The following CPD variants were observed in gnomAD, a reference collection of about 807,000 sequenced individuals.
CPD encodes the protein metallocarboxypeptidase D.
A neutral mutation model predicts 138.3 loss-of-function variants in CPD; 69 were observed. That is an observed-to-expected ratio of 0.50 (90% CI 0.41 to 0.61). CPD has a LOEUF of 0.61. CPD is among the 20% of genes least tolerant of loss of function. CPD has a pLI of 0.00. For synonymous variants in CPD, 651 were observed against 642.1 expected (o/e 1.01, Z -0.21); for missense variants, 1,432 against 1,733.3 (o/e 0.83, Z 3.09).
chr17:30,414,708 C>T (rs991968577), intron 2 of CPD, among the ~76,000 whole-genome samples: 1 of 152,084 alleles, frequency 6.6e-6, no homozygotes, highest in Non-Finnish European at 1.5e-5. Flanking sequence ...AAGTTAGAGT[C>T]GGCATGGTTT....
intron 20 of CPD, 104 bp from the exon 21 acceptor site, chr17:30,464,484 A>C (rs1258063195): frequency 1.2e-6 from 1 of 839,632 alleles, no homozygotes; most frequent in Non-Finnish European, 1.9e-6. Flanking sequence ...TGAAATAGAA[A>C]TAAAATAAAT....
At chr17:30,462,101 AT>A in intron 19 of CPD, 39 bp downstream of exon 19, 1 of 1,511,468 alleles carries the variant, frequency 6.6e-7, no homozygotes. Flanking sequence ...GTAAATTTTT[AT>A]TCTTAATAAT....
At chr17:30,385,343 GATATTT>G in intron 2 of CPD, 107 bp downstream of exon 2, 2 of 1,341,040 alleles carry the variant, frequency 1.5e-6, no homozygotes. Context: ...AACTTTAAAA[GATATTT>G]ATTTTTATTT....
chr17:30,417,368 G>A (rs1912138716), intron 2 of CPD, among the ~76,000 whole-genome samples: 1 of 152,214 alleles, frequency 6.6e-6, no homozygotes, highest in East Asian at 1.9e-4. Context: ...GAACTTCCTA[G>A]TCTTAAATGA....
chr17:30,390,140 T>C (rs1597706204), intron 2 of CPD, among the ~76,000 whole-genome samples: 1 of 152,046 alleles, frequency 6.6e-6, no homozygotes, highest in South Asian at 2.1e-4. Context: ...CCTCAGCCTC[T>C]TGAGCAGCTG....
At chr17:30,385,821 C>T (rs1199239279) in intron 2 of CPD, among the ~76,000 whole-genome samples, 3 of 150,780 alleles carry the variant, frequency 2.0e-5, no homozygotes, top group South Asian at 2.1e-4. Flanking sequence ...GTAAAGAGAC[C>T]GTGCTAATAG....
chr17:30,423,605 G>A lies in CPD; in HGVS notation c.1757G>A (p.Gly586Glu), dbSNP rs568492127. 3.0e-5 allele frequency: 49 copies of A among 1,612,704 alleles called. No individual in the cohort carries two copies. Among genetic ancestry groups the A allele is most frequent in the South Asian group, 1.7e-4 (15 of 90,898 alleles). ...NLIEYLCKNF[G>E]TDPEVTDLVH... is the part of the protein sequence containing the mutation. Reference sequence around the variant, plus strand: ...ATAGAATACCTTTGTAAGAACTTTGGAACAGACCCTGAAGTCACAGATTTG... The same window carrying A: ...ATAGAATACCTTTGTAAGAACTTTGAAACAGACCCTGAAGTCACAGATTTG... The change falls in exon 6 of 21, where the codon GGA becomes GAA. Residue 586 changes from glycine to glutamate, a missense_variant. Physicochemically the swap from Gly to Glu is moderately conservative, Grantham distance 98. This residue lies in a region of CPD where 297 missense variants were observed against 405.3 expected (regional missense o/e 0.73). Coordinates refer to ENST00000225719, the MANE Select transcript of CPD (RefSeq NM_001304.5).
At position 30,438,970 on chromosome 17, in the gene CPD, TC is replaced by T; in HGVS notation, c.2128-3del. The stretch of plus-strand genomic sequence containing the variant: ...TAGAAGTAAAGATTCTTTTTGTTTT[TC>T]CAGGAAAATTCCCAGATGTTTCAAG... On this transcript the variant is annotated splice_region_variant and splice_polypyrimidine_tract_variant and intron_variant, in intron 8 of 20. Transcript: ENST00000225719. 2 of 1,515,098 alleles carry T rather than the reference TC, an allele frequency of 1.3e-6. No homozygotes were observed. Among genetic ancestry groups the T allele is most frequent in the South Asian group, 1.2e-5 (1 of 80,872 alleles). 93.9% of individuals were successfully genotyped at this position (1,515,098 alleles called of 1,614,324 possible). A position where few individuals can be genotyped will look rare whatever the true frequency, so the allele number is the denominator to read the frequency against.
intron 14 of CPD, among the ~76,000 whole-genome samples, 187 bp downstream of exon 14, chr17:30,452,033 T>G (rs1011277253): frequency 1.3e-5 from 2 of 152,248 alleles, no homozygotes; most frequent in Non-Finnish European, 2.9e-5. Flanking sequence ...TTTGCAAAAA[T>G]AATTTAAGTT....
chr17:30,389,863 C>T (rs1385596653), intron 2 of CPD, among the ~76,000 whole-genome samples: 1 of 152,154 alleles, frequency 6.6e-6, no homozygotes, highest in African/African-American at 2.4e-5. Flanking sequence ...TGGCTTATTT[C>T]TCTTCGTACC....
rs549012809 is a variant in CPD, at chr17:30,438,602, C to G, written c.2128-373C>G. ...CTTGCTTTTATTGTGTGTGTATTAT[C>G]TTTTTTGGACTTCAAGCTCCTTGAA... On this transcript the variant is annotated intron_variant, in intron 8 of 20. Coordinates refer to ENST00000225719, the MANE Select transcript of CPD (RefSeq NM_001304.5). 5.9e-5 allele frequency among the ~76,000 whole-genome samples: 9 copies of G among 152,188 alleles called. No individual in the cohort carries two copies. The South Asian group carries it at 1.7e-3, about 28-fold the overall frequency.
chr17:30,419,081 A>C (rs1333476428), intron 2 of CPD, among the ~76,000 whole-genome samples: 6 of 152,224 alleles, frequency 3.9e-5, no homozygotes, highest in African/African-American at 1.2e-4. Flanking sequence ...GTTTCAAAGC[A>C]CATAATGAAA....
chr17:30,429,726 G>C (rs2143435804), intron 7 of CPD, among the ~76,000 whole-genome samples: 1 of 152,314 alleles, frequency 6.6e-6, no homozygotes, highest in Non-Finnish European at 1.5e-5. Context: ...GTAATACCTT[G>C]TGGAAAAGTG....
At chr17:30,405,182 TA>T (rs1289787666) in intron 2 of CPD, among the ~76,000 whole-genome samples, 1 of 152,014 alleles carries the variant, frequency 6.6e-6, no homozygotes, top group East Asian at 1.9e-4. Context: ...CTTCAATATT[TA>T]AAGGGGAAAA....
chr17:30,442,514 G>C, intron 10 of CPD, 64 bp downstream of exon 10: 1 of 1,523,910 alleles, frequency 6.6e-7, no homozygotes, highest in South Asian at 1.2e-5. Context: ...GTGCGTACAC[G>C]TGGTTTTTGT....
At chr17:30,451,689 T>G in intron 13 of CPD, 22 bp from the exon 14 acceptor site, 2 of 1,609,842 alleles carry the variant, frequency 1.2e-6, no homozygotes, top group Non-Finnish European at 1.7e-6. Context: ...TAGTAACTCG[T>G]TAATTTCTGT....
intron 2 of CPD, among the ~76,000 whole-genome samples, chr17:30,393,206 T>G (rs1039221672): frequency 6.6e-6 from 1 of 152,228 alleles, no homozygotes; most frequent in African/African-American, 2.4e-5. Context: ...CAACTATTCT[T>G]TCCCCAAACT....
intron 1 of CPD, chr17:30,380,445 C>G: frequency 8.1e-7 from 1 of 1,240,284 alleles, no homozygotes; most frequent in Non-Finnish European, 1.0e-6. Flanking sequence ...CTGTGAGCCG[C>G]TTCATTTTAG....
intron 17 of CPD, among the ~76,000 whole-genome samples, chr17:30,457,169 A>G (rs1215770439): frequency 6.6e-6 from 1 of 152,162 alleles, no homozygotes; most frequent in Non-Finnish European, 1.5e-5. Context: ...ACCCCTGTCT[A>G]CTTTCTGCCT....
Sources: gnomAD v4.1 joint callset for allele counts (sites outside exome capture counted in the v4.1 genomes callset) on GRCh38, gnomAD v4.1.1 for gene constraint, gnomAD v4.1.1 regional missense constraint, MANE v1.5 for transcripts, NCBI Gene and HGNC (gene_info 2026-07-23, HGNC 2026-07-21) for gene names.